Variants in ZC3HAV1 observed in about 807,000 individuals in gnomAD.
ZC3HAV1 encodes zinc finger CCCH-type antiviral protein 1.
A neutral mutation model predicts 86.6 loss-of-function variants in ZC3HAV1; 41 were observed. The observed-to-expected ratio is 0.47, with a 90% CI of 0.37 to 0.61. The LOEUF is 0.61. Ranked by LOEUF, ZC3HAV1 falls within the 20% of genes least tolerant of loss-of-function variation. The pLI is 0.00. For synonymous variants in ZC3HAV1, 421 were observed against 432.1 expected (o/e 0.97, Z 0.32); for missense variants, 964 against 1,141.1 (o/e 0.84, Z 2.24).
intron 1 of ZC3HAV1, among the ~76,000 whole-genome samples, chr7:139,098,920 G>T (rs1817679172): frequency 6.6e-6 from 1 of 152,134 alleles, no homozygotes; most frequent in Admixed American, 6.5e-5. Context: ...ACCTGGTTTG[G>T]AAGTAAATAC....
At position 139,055,376 on chromosome 7, in the gene ZC3HAV1, G is replaced by C. The variant is rs541777351; in HGVS notation, c.2097-81C>G. 41 of 1,163,952 alleles carry C rather than the reference G, an allele frequency of 3.5e-5. 3 individuals carry two copies. In the South Asian group the frequency reaches 5.6e-4, roughly 16 times the overall value. 72.1% of individuals were successfully genotyped at this position (1,163,952 alleles called of 1,614,324 possible). ...GTTTTCTCTTAACTTCCAGCCACTA[G>C]GCCAAGGATGCCTAGAGAAATACAC... On this transcript the variant is annotated intron_variant, in intron 9 of 12. Coordinates refer to ENST00000242351, the MANE Select transcript of ZC3HAV1 (RefSeq NM_020119.4).
At chr7:139,099,149 C>T (rs752059374) in intron 1 of ZC3HAV1, among the ~76,000 whole-genome samples, 3 of 151,672 alleles carry the variant, frequency 2.0e-5, no homozygotes, top group Admixed American at 6.6e-5. Flanking sequence ...TTGCAGACAC[C>T]GAGAGTCAAA....
chr7:139,109,418 G>T lies in ZC3HAV1; in HGVS notation c.-87C>A. On this transcript the variant is annotated 5_prime_UTR_variant, in exon 1 of 13. Coordinates refer to ENST00000242351, the MANE Select transcript of ZC3HAV1 (RefSeq NM_020119.4). ...CGAAACTTACAAGTGTCCAGGGGCG[G>T]GCGCGGGCGGTGCTACTGCTGGGCG... The T allele has an allele frequency of 7.0e-7, 1 of 1,427,266 alleles. No individual in the cohort carries two copies. Among genetic ancestry groups the T allele is most frequent in the Non-Finnish European group, 9.2e-7 (1 of 1,091,014 alleles). The allele number at this position is 1,427,266 out of a possible 1,614,324, so 88.4% of individuals were successfully genotyped here.
intron 1 of ZC3HAV1, among the ~76,000 whole-genome samples, chr7:139,106,086 T>C (rs996548470): frequency 6.6e-6 from 1 of 152,188 alleles, no homozygotes; most frequent in South Asian, 2.1e-4. Flanking sequence ...TAAACTTTAT[T>C]GACTTCTCTG....
intron 7 of ZC3HAV1, among the ~76,000 whole-genome samples, chr7:139,069,761 T>A (rs1434975107): frequency 6.6e-6 from 1 of 152,230 alleles, no homozygotes; most frequent in African/African-American, 2.4e-5. Flanking sequence ...GTGCCTACTC[T>A]GTTGGCAGAA....
chr7:139,097,521 A>G (rs1449075519), intron 1 of ZC3HAV1, among the ~76,000 whole-genome samples: 1 of 140,304 alleles, frequency 7.1e-6, no homozygotes, highest in African/African-American at 2.7e-5. Context: ...TGCAAGCTCC[A>G]CCTCCTGGGT....
At chr7:139,071,137 C>G (rs981742405) in intron 7 of ZC3HAV1, among the ~76,000 whole-genome samples, 4 of 148,196 alleles carry the variant, frequency 2.7e-5, no homozygotes, top group African/African-American at 1.0e-4. Context: ...TACTCTGTCA[C>G]CCAGGCTGGA....
chr7:139,059,933 T>C (rs74348184), intron 9 of ZC3HAV1, among the ~76,000 whole-genome samples: 4,841 of 152,290 alleles, frequency 0.032, 173 homozygotes, highest in East Asian at 0.19. Context: ...AAGCCCATTT[T>C]ACAGATGAGG....
chr7:139,096,160 A>G (rs1817582139), intron 1 of ZC3HAV1, among the ~76,000 whole-genome samples: 1 of 152,132 alleles, frequency 6.6e-6, no homozygotes, highest in African/African-American at 2.4e-5. Flanking sequence ...AATTATAGGC[A>G]TGCACCACCA....
Position 139,044,164 on chromosome 7 carries a change from G to C in ZC3HAV1, c.*3430C>G, listed in dbSNP as rs1815893355. The stretch of plus-strand genomic sequence containing the variant: ...TCTGAGACAATCTGTAATTTGTCTT[G>C]TCCTATTATCCTTAAGTAAGGTAAT... On this transcript the variant is annotated 3_prime_UTR_variant, in exon 13 of 13. Transcript: ENST00000242351. The C allele has an allele frequency of 6.6e-6, 1 of 152,176 alleles. No individual in the cohort carries two copies. The highest frequency in any genetic ancestry group is 2.4e-5 in the African/African-American group (1 of 41,436). 9.4% of individuals were successfully genotyped at this position (152,176 alleles called of 1,614,324 possible). A position where few individuals can be genotyped will look rare whatever the true frequency, so the allele number is the denominator to read the frequency against.
At chr7:139,083,245 TGGGG>T (rs199760401) in intron 3 of ZC3HAV1, among the ~76,000 whole-genome samples, 2 of 125,870 alleles carry the variant, frequency 1.6e-5, no homozygotes, top group African/African-American at 2.7e-5. Context: ...TTTTTAAACC[TGGGG>T]GGGGGGGCAA....
intron 12 of ZC3HAV1, among the ~76,000 whole-genome samples, chr7:139,052,177 G>A (rs1563122752): frequency 2.7e-5 from 4 of 149,042 alleles, no homozygotes; most frequent in South Asian, 4.3e-4. Context: ...TGTGCACAAC[G>A]TGCAGGTTTG....
At chr7:139,079,178 T>C (rs1333747621) in intron 4 of ZC3HAV1, 5 of 1,536,218 alleles carry the variant, frequency 3.3e-6, no homozygotes, top group Non-Finnish European at 4.4e-6. Flanking sequence ...GTTCTGCCCT[T>C]GGGCCCCCCA....
chr7:139,060,965 A>G (rs1179553782), intron 9 of ZC3HAV1, 71 bp downstream of exon 9: 3 of 1,608,316 alleles, frequency 1.9e-6, no homozygotes, highest in Admixed American at 1.7e-5. Flanking sequence ...CAGATTCACG[A>G]GTGACTTGAT....
At chr7:139,084,451 T>C (rs1238699756) in intron 2 of ZC3HAV1, among the ~76,000 whole-genome samples, 1 of 152,262 alleles carries the variant, frequency 6.6e-6, no homozygotes, top group Non-Finnish European at 1.5e-5. Flanking sequence ...CAGAATGACA[T>C]TTCTCAAAAG....
chr7:139,106,226 C>T (rs1817932505), intron 1 of ZC3HAV1, among the ~76,000 whole-genome samples: 1 of 152,018 alleles, frequency 6.6e-6, no homozygotes, highest in Non-Finnish European at 1.5e-5. Context: ...AAAAATATAC[C>T]ATAATAAACT....
Position 139,109,156 on chromosome 7 carries a change from C to T in ZC3HAV1, c.176G>A (p.Gly59Glu), listed in dbSNP as rs1818029681. ...GGTGGCCACCACCGATCGGGTGATC[C>T]CGGCCTCGCCGCCGGTCTCCAACAC... ...FVVLETGGEA[G>E]ITRSVVATTR... Residue 59 changes from glycine to glutamate, a missense_variant, in exon 1 of 13, where the codon GGG becomes GAG. Transcript: ENST00000242351. 6.3e-7 allele frequency: 1 copy of T among 1,594,418 alleles called. No individual in the cohort carries two copies. Among genetic ancestry groups the T allele is most frequent in the Non-Finnish European group, 8.5e-7 (1 of 1,170,766 alleles).
At chr7:139,069,692 T>C (rs927236928) in intron 7 of ZC3HAV1, among the ~76,000 whole-genome samples, 3 of 152,148 alleles carry the variant, frequency 2.0e-5, no homozygotes, top group Non-Finnish European at 4.4e-5. Flanking sequence ...GTTAAGTACA[T>C]CAATTTCCAT....
intron 8 of ZC3HAV1, 81 bp from the exon 9 acceptor site, chr7:139,061,219 A>G: frequency 7.4e-7 from 1 of 1,351,966 alleles, no homozygotes; most frequent in Non-Finnish European, 1.0e-6. Flanking sequence ...TGCAGAGGCT[A>G]TTTACACGGC....
Sources: gnomAD v4.1 joint callset for allele counts (sites outside exome capture counted in the v4.1 genomes callset) on GRCh38, gnomAD v4.1.1 for gene constraint, MANE v1.5 for transcripts, NCBI Gene and HGNC (gene_info 2026-07-23, HGNC 2026-07-21) for gene names.